Variants in MAP10 observed in about 807,000 individuals in gnomAD.
MAP10 encodes the protein microtubule-associated protein 10.
Under a neutral mutation model 6.3 loss-of-function variants are expected in MAP10, and 10 were observed. The ratio of observed to expected loss-of-function variants is 1.58; its 90% CI spans 0.98 to 2.69. The LOEUF (loss-of-function observed/expected upper bound fraction) is 2.69. Among genes scored for constraint, MAP10 ranks in the 30% most tolerant of loss-of-function variants. The probability of loss-of-function intolerance (pLI) is 0.00; values close to 1 mark genes in which losing one functional copy is unlikely to be tolerated. For missense variants in MAP10, 1,189 were observed against 1,086.5 expected (o/e 1.09, Z -1.33); for synonymous variants, 459 against 429.3 (o/e 1.07, Z -0.86).
rs771083327 is a variant in MAP10 at position 232,807,248 on chromosome 1, A to T, written c.1799A>T (p.Lys600Ile). 2.5e-6 allele frequency: 4 copies of T among 1,613,300 alleles called. No individual in the cohort carries two copies. The highest frequency in any genetic ancestry group is 3.4e-6 in the Non-Finnish European group (4 of 1,179,654). Residue 600 changes from lysine to isoleucine, a missense_variant, in exon 1 of 1, where the codon AAA becomes ATA. By Grantham distance (102) the Lys-to-Ile change is moderately radical. Transcript: ENST00000418460. ...KETKLKYATE[K>I]KTVDCSKNRI... ...ACTAAACTGAAATATGCAACTGAAA[A>T]AAAGACAGTTGATTGTAGTAAAAAT...
Position 232,806,641 on chromosome 1 carries a change from T to G in MAP10, c.1192T>G (p.Leu398Val). The change falls in exon 1 of 1, where the codon TTA (leucine) becomes GTA (valine). Residue 398 changes from leucine to valine, a missense_variant. Physicochemically the swap from Leu to Val is conservative, Grantham distance 32. Coordinates refer to ENST00000418460, the MANE Select transcript of MAP10 (RefSeq NM_019090.3). ...RINTIRQLPLLNALLVELSLL... is the reference protein window; with the variant it reads ...RINTIRQLPLVNALLVELSLL... ...TAATACAATAAGGCAGTTGCCTTTGTTAAATGCTTTGTTAGTTGAGTTGTC... is the reference window on the plus strand; with the variant it reads ...TAATACAATAAGGCAGTTGCCTTTGGTAAATGCTTTGTTAGTTGAGTTGTC... 6.2e-7 allele frequency: 1 copy of G among 1,613,998 alleles called. No individual in the cohort carries two copies. The highest frequency in any genetic ancestry group is 8.5e-7 in the Non-Finnish European group (1 of 1,179,906).
chr1:232,807,743 C>G lies in MAP10; in HGVS notation c.2294C>G (p.Pro765Arg). 1 of 1,613,554 alleles carries G rather than the reference C, an allele frequency of 6.2e-7. No homozygotes were observed. Among genetic ancestry groups the G allele is most frequent in the Non-Finnish European group, 8.5e-7 (1 of 1,179,734 alleles). Residue 765 changes from proline (P) to arginine (R), a missense_variant, in exon 1 of 1, where the codon CCT (proline) becomes CGT (arginine). Physicochemically the swap from Pro to Arg is moderately radical, Grantham distance 103. Coordinates refer to ENST00000418460, the MANE Select transcript of MAP10 (RefSeq NM_019090.3). The stretch of plus-strand genomic sequence containing the variant: ...GACAGGAGTTCTATCCTTAGCCCAC[C>G]TTTTTCAGCCGGGTCACCTGTACAC... ...SSDRSSILSP[P>R]FSAGSPVHSY...
Position 232,805,703 on chromosome 1 carries a change from G to T in MAP10, c.254G>T (p.Gly85Val), listed in dbSNP as rs751620339. Residue 85 changes from glycine to valine, a missense_variant, in exon 1 of 1, where the codon GGT becomes GTT. By Grantham distance (109) the Gly-to-Val change is moderately radical. Coordinates refer to ENST00000418460, the MANE Select transcript of MAP10 (RefSeq NM_019090.3). Reference sequence around the variant, plus strand: ...GCTCCCGCCGCCGAACCGTGGCCCGGTGTCATCCGCTTCGGTCGCGGCAAG... The same window carrying T: ...GCTCCCGCCGCCGAACCGTGGCCCGTTGTCATCCGCTTCGGTCGCGGCAAG... ...PGAPAAEPWP[G>V]VIRFGRGKSC... 1 of 1,604,442 alleles carries T rather than the reference G, an allele frequency of 6.2e-7. No individual in the cohort carries two copies. Among genetic ancestry groups the T allele is most frequent in the Admixed American group, 1.7e-5 (1 of 59,852 alleles).
At position 232,808,999 on chromosome 1, in the gene MAP10, T is replaced by G. The variant is rs1038063529; in HGVS notation, c.*832T>G. 2.0e-5 allele frequency among the ~76,000 whole-genome samples: 3 copies of G among 152,202 alleles called. No individual in the cohort carries two copies. The highest frequency in any genetic ancestry group is 2.0e-4 in the Admixed American group (3 of 15,290). ...TTGGAAATATATTTGACTGTAATAT[T>G]TCTGTTTTGCTTGGTATAAATAGCC... On this transcript the variant is annotated 3_prime_UTR_variant, in exon 1 of 1. Coordinates refer to ENST00000418460, the MANE Select transcript of MAP10 (RefSeq NM_019090.3).
rs1472357709 is a variant in MAP10 at position 232,805,516 on chromosome 1, G to A, written c.67G>A (p.Ala23Thr). 3.8e-6 allele frequency: 6 copies of A among 1,567,748 alleles called. No individual in the cohort carries two copies. The highest frequency in any genetic ancestry group is 2.4e-5 in the East Asian group (1 of 42,422). ...GCTGGTGGACTGGGTGCGTTTGGAA[G>A]CCCGGCTGCTGCCGTCCCCCGCTGC... is the stretch of plus-strand genomic sequence containing the variant. The part of the protein sequence containing the change: ...ELLVDWVRLE[A>T]RLLPSPAAAV... The change falls in exon 1 of 1, where the codon GCC becomes ACC. Residue 23 changes from alanine (A) to threonine (T), a missense_variant. Transcript: ENST00000418460.
In MAP10 at chr1:232,806,965, C is replaced by T. The variant is rs1468167951; in HGVS notation, c.1516C>T (p.Arg506Cys). 1.9e-6 allele frequency: 3 copies of T among 1,612,258 alleles called. No individual in the cohort carries two copies. Among genetic ancestry groups the T allele is most frequent in the Non-Finnish European group, 2.5e-6 (3 of 1,179,492 alleles). The stretch of plus-strand genomic sequence containing the variant: ...TGGCTTAACAAATACACTAAGACTA[C>T]GTTTAAAGCTGACAAATCCTGATAT... ...LYGLTNTLRL[R>C]LKLTNPDMLV... is the part of the protein sequence containing the mutation. The change falls in exon 1 of 1, where the codon CGT becomes TGT. Residue 506 changes from arginine (R) to cysteine (C), a missense_variant. Coordinates refer to ENST00000418460, the MANE Select transcript of MAP10 (RefSeq NM_019090.3).
At position 232,806,885 on chromosome 1, in the gene MAP10, C is replaced by A. The variant is rs1666115582; in HGVS notation, c.1436C>A (p.Ser479Tyr). ...QIENYKEDKYSEKSSGALHKR... is the reference protein window; with the variant it reads ...QIENYKEDKYYEKSSGALHKR... ...GAAAACTATAAGGAAGATAAATATT[C>A]TGAAAAGAGCAGTGGTGCCCTCCAT... Residue 479 changes from serine (S) to tyrosine (Y), a missense_variant, in exon 1 of 1, where the codon TCT (serine) becomes TAT (tyrosine). By Grantham distance (144) the Ser-to-Tyr change is moderately radical. Coordinates refer to ENST00000418460, the MANE Select transcript of MAP10 (RefSeq NM_019090.3). The A allele has an allele frequency of 1.2e-6, 2 of 1,609,500 alleles. No individual in the cohort carries two copies. The highest frequency in any genetic ancestry group is 1.7e-6 in the Non-Finnish European group (2 of 1,178,570).
At position 232,807,658 on chromosome 1, in the gene MAP10, C is replaced by T; in HGVS notation, c.2209C>T (p.His737Tyr). 6.2e-7 allele frequency: 1 copy of T among 1,611,774 alleles called. No individual in the cohort carries two copies. The highest frequency in any genetic ancestry group is 8.5e-7 in the Non-Finnish European group (1 of 1,178,772). Residue 737 changes from histidine (H) to tyrosine (Y), a missense_variant, in exon 1 of 1, where the codon CAT (histidine) becomes TAT (tyrosine). Transcript: ENST00000418460. ...CAGTTCAAGGACAGAAAATCCAAAA[C>T]ATAGTCAATATACAAGCAAGTCTAG... is the stretch of plus-strand genomic sequence containing the variant. ...DSSSRTENPK[H>Y]SQYTSKSSDT...
At position 232,805,544 on chromosome 1, in the gene MAP10, C is replaced by T; in HGVS notation, c.95C>T (p.Ala32Val). Residue 32 changes from alanine (A) to valine (V), a missense_variant, in exon 1 of 1, where the codon GCA becomes GTA. Physicochemically the swap from Ala to Val is moderately conservative, Grantham distance 64. Coordinates refer to ENST00000418460, the MANE Select transcript of MAP10 (RefSeq NM_019090.3). ...CGGCTGCTGCCGTCCCCCGCTGCCG[C>T]AGTGGAGCAGGAGGAGGAAGAGGAG... ...EARLLPSPAAAVEQEEEEEEK... is the reference protein window; with the variant it reads ...EARLLPSPAAVVEQEEEEEEK... The T allele has an allele frequency of 6.4e-7, 1 of 1,561,122 alleles. No homozygotes were observed. The highest frequency in any genetic ancestry group is 1.2e-5 in the South Asian group (1 of 85,476).
Position 232,806,421 on chromosome 1 carries a change from G to A in MAP10, c.972G>A (p.Glu324=), listed in dbSNP as rs942842804. 1.2e-6 allele frequency: 2 copies of A among 1,613,752 alleles called. No homozygotes were observed. The highest frequency in any genetic ancestry group is 1.7e-6 in the Non-Finnish European group (2 of 1,179,894). ...PPPAQAKITI[E]PQMNAPEEMD... ...CTGCACAGGCTAAAATCACCATTGA[G>A]CCTCAAATGAATGCACCTGAGGAAA... The change falls in exon 1 of 1, where the codon GAG becomes GAA. Residue 324 remains glutamate, a synonymous_variant. Transcript: ENST00000418460.
At position 232,806,700 on chromosome 1, in the gene MAP10, TCATATA is replaced by T. The variant is rs1458290117; in HGVS notation, c.1255_1260del (p.Ile419_His420del). On this transcript the variant is annotated inframe_deletion, in exon 1 of 1. Transcript: ENST00000418460. ...ATGACCAACCTGTGACAAGTCCTGC[TCATATA>T]CATCCTCACCTAGCCTGGTTATATA... 1 of 1,613,776 alleles carries T rather than the reference TCATATA, an allele frequency of 6.2e-7. No individual in the cohort carries two copies. The highest frequency in any genetic ancestry group is 1.3e-5 in the African/African-American group (1 of 74,934).
rs372093390 is a variant in MAP10, at chr1:232,808,192, C to G, written c.*25C>G. On this transcript the variant is annotated 3_prime_UTR_variant, in exon 1 of 1. Transcript: ENST00000418460. Reference sequence around the variant, plus strand: ...AAAATACATGCTTTTAAAAAACTTTCAAGGACCTATGTGTACTGTTAGTGA... The same window carrying G: ...AAAATACATGCTTTTAAAAAACTTTGAAGGACCTATGTGTACTGTTAGTGA... 17 of 1,485,182 alleles carry G rather than the reference C, an allele frequency of 1.1e-5. No homozygotes were observed. Among genetic ancestry groups the G allele is most frequent in the Non-Finnish European group, 1.5e-5 (17 of 1,108,956 alleles). The allele number at this position is 1,485,182 out of a possible 1,614,324, so 92.0% of individuals were successfully genotyped here.
In MAP10 at chr1:232,807,275, G is replaced by T. The variant is rs1419366930; in HGVS notation, c.1826G>T (p.Arg609Ile). The change falls in exon 1 of 1, where the codon AGA becomes ATA. Residue 609 changes from arginine to isoleucine, a missense_variant. Physicochemically the swap from Arg to Ile is moderately conservative, Grantham distance 97. Coordinates refer to ENST00000418460, the MANE Select transcript of MAP10 (RefSeq NM_019090.3). ...AAGACAGTTGATTGTAGTAAAAATA[G>T]AATCAATAATGTTTCATTGGAAGAA... is the stretch of plus-strand genomic sequence containing the variant. ...EKKTVDCSKN[R>I]INNVSLEEVV... 1.5e-5 allele frequency: 24 copies of T among 1,613,064 alleles called. No individual in the cohort carries two copies. The highest frequency in any genetic ancestry group is 1.9e-5 in the Non-Finnish European group (23 of 1,179,572).
the MAP10 span, chr1:232,807,313 GC>G: frequency 1.2e-6 from 2 of 1,613,714 alleles, no homozygotes; most frequent in African/African-American, 1.3e-5. Context: ...TGTGAGTCCT[GC>G]AAATTCCATT....
rs1666153543 is a variant in MAP10, at chr1:232,808,997, A to G, written c.*830A>G. On this transcript the variant is annotated 3_prime_UTR_variant, in exon 1 of 1. Transcript: ENST00000418460. ...TATTGGAAATATATTTGACTGTAATATTTCTGTTTTGCTTGGTATAAATAG... is the reference window on the plus strand; with the variant it reads ...TATTGGAAATATATTTGACTGTAATGTTTCTGTTTTGCTTGGTATAAATAG... Among the ~76,000 whole-genome samples the G allele has an allele frequency of 6.6e-6, 1 of 152,066 alleles. No individual in the cohort carries two copies. The highest frequency in any genetic ancestry group is 2.4e-5 in the African/African-American group (1 of 41,420).
rs371168381 is a variant in MAP10 at position 232,807,261 on chromosome 1, T to C, written c.1812T>C (p.Asp604=). The change falls in exon 1 of 1, where the codon GAT becomes GAC. Residue 604 remains aspartate (D), a synonymous_variant. Transcript: ENST00000418460. ...LKYATEKKTV[D]CSKNRINNVS... The stretch of plus-strand genomic sequence containing the variant: ...ATGCAACTGAAAAAAAGACAGTTGA[T>C]TGTAGTAAAAATAGAATCAATAATG... 4.3e-4 allele frequency: 700 copies of C among 1,613,062 alleles called. No homozygotes were observed. The highest frequency in any genetic ancestry group is 5.5e-4 in the Non-Finnish European group (648 of 1,179,626).
chr1:232,809,519 A>G lies in MAP10; in HGVS notation c.*1352A>G, dbSNP rs969191273. Reference sequence around the variant, plus strand: ...TTGAATAGAATGATCCACTCATGCTACAGAGTGGTAGAAAGGACATTTGTT... The same window carrying G: ...TTGAATAGAATGATCCACTCATGCTGCAGAGTGGTAGAAAGGACATTTGTT... On this transcript the variant is annotated 3_prime_UTR_variant, in exon 1 of 1. Coordinates refer to ENST00000418460, the MANE Select transcript of MAP10 (RefSeq NM_019090.3). Among the ~76,000 whole-genome samples, 3 of 152,096 alleles carry G rather than the reference A, an allele frequency of 2.0e-5. No homozygotes were observed. Among genetic ancestry groups the G allele is most frequent in the African/African-American group, 7.2e-5 (3 of 41,460 alleles).
Position 232,806,990 on chromosome 1 carries a change from T to C in MAP10, c.1541T>C (p.Met514Thr), listed in dbSNP as rs1292780196. 1.9e-6 allele frequency: 3 copies of C among 1,612,950 alleles called. No homozygotes were observed. The highest frequency in any genetic ancestry group is 1.7e-5 in the Admixed American group (1 of 59,876). Residue 514 changes from methionine to threonine, a missense_variant, in exon 1 of 1, where the codon ATG becomes ACG. By Grantham distance (81) the Met-to-Thr change is moderately conservative. Coordinates refer to ENST00000418460, the MANE Select transcript of MAP10 (RefSeq NM_019090.3). Reference protein sequence around the residue: ...RLRLKLTNPDMLVVHEKRELY... With the variant: ...RLRLKLTNPDTLVVHEKRELY... ...CGTTTAAAGCTGACAAATCCTGATATGTTGGTGGTACATGAAAAAAGAGAA... is the reference window on the plus strand; with the variant it reads ...CGTTTAAAGCTGACAAATCCTGATACGTTGGTGGTACATGAAAAAAGAGAA...
rs993329887 is a variant in MAP10, at chr1:232,807,150, A to T, written c.1701A>T (p.Ala567=). 1.5e-5 allele frequency: 24 copies of T among 1,612,654 alleles called. No homozygotes were observed. The African/African-American group carries it at 2.0e-4, about 13-fold the overall frequency. The change falls in exon 1 of 1, where the codon GCA becomes GCT. Residue 567 remains alanine (A), a synonymous_variant. Transcript: ENST00000418460. ...AAGATAAGTATTTAGATTCAGATGC[A>T]TCTTTCACTGAAAATAGTGATACCT... is the stretch of plus-strand genomic sequence containing the variant. The part of the protein sequence containing the change: ...LPEDKYLDSD[A]SFTENSDTSR...
Sources: gnomAD v4.1 joint callset for allele counts (sites outside exome capture counted in the v4.1 genomes callset) on GRCh38, gnomAD v4.1.1 for gene constraint, MANE v1.5 for transcripts, NCBI Gene and HGNC (gene_info 2026-07-23, HGNC 2026-07-21) for gene names.